Variants in WDFY3 observed in about 807,000 individuals in gnomAD.
WDFY3 encodes the protein WD repeat and FYVE domain containing 3, also known as WD repeat and FYVE domain-containing protein 3.
Under a neutral mutation model 409.6 loss-of-function variants are expected in WDFY3, and 66 were observed. The ratio of observed to expected loss-of-function variants is 0.16; its 90% CI spans 0.13 to 0.20. WDFY3 has a LOEUF of 0.20. WDFY3 is among the 10% of genes least tolerant of loss of function. The pLI is 1.00. For synonymous variants in WDFY3, 1,521 were observed against 1,537.1 expected (o/e 0.99, Z 0.25); for missense variants, 3,031 against 4,298.1 (o/e 0.71, Z 8.24).
chr4:84,724,920 T>C (rs1485537173), intron 45 of WDFY3, among the ~76,000 whole-genome samples: 1 of 152,196 alleles, frequency 6.6e-6, no homozygotes, highest in Non-Finnish European at 1.5e-5. Context: ...AAGAGAATGA[T>C]CACTGTTGAA....
intron 38 of WDFY3, among the ~76,000 whole-genome samples, chr4:84,740,789 T>C (rs981283942): frequency 3.9e-5 from 6 of 152,120 alleles, no homozygotes; most frequent in African/African-American, 1.4e-4. Flanking sequence ...AAAATTAAGA[T>C]GTTACTAAAA....
intron 38 of WDFY3, among the ~76,000 whole-genome samples, chr4:84,741,272 C>T (rs1238135734): frequency 6.6e-6 from 1 of 150,686 alleles, no homozygotes; most frequent in Non-Finnish European, 1.5e-5. Context: ...TGGCACCAGG[C>T]AATTGGTAAT....
At position 84,810,303 on chromosome 4, in the gene WDFY3, T is replaced by G. The variant is rs373849226; in HGVS notation, c.1929A>C (p.Thr643=). ...SVLRESHRSR[T]VFRKVGGFVY... ...CAAATCCTCCAACTTTCCTAAAAAC[T>G]GTTCTTGAACGATGGCTTTCTCGAA... Residue 643 remains threonine, a synonymous_variant, in exon 14 of 68, where the codon ACA becomes ACC. Transcript: ENST00000295888. The G allele has an allele frequency of 3.7e-6, 6 of 1,612,834 alleles. No homozygotes were observed. In the Admixed American group the frequency reaches 8.4e-5, roughly 22 times the overall value.
In WDFY3 at chr4:84,827,001, A is replaced by G; in HGVS notation, c.957-20T>C. 6.3e-7 allele frequency: 1 copy of G among 1,592,630 alleles called. No homozygotes were observed. The highest frequency in any genetic ancestry group is 1.4e-5 in the African/African-American group (1 of 73,450). On this transcript the variant is annotated intron_variant, in intron 9 of 67. Transcript: ENST00000295888. Reference sequence around the variant, plus strand: ...TCCAATCTAGAAAAGTATGATTTAGAAAGTATTTTTTTTCTCTTTGGTTGT... The same window carrying G: ...TCCAATCTAGAAAAGTATGATTTAGGAAGTATTTTTTTTCTCTTTGGTTGT...
chr4:84,901,488 G>C (rs1474198296), intron 2 of WDFY3, among the ~76,000 whole-genome samples: 1 of 152,120 alleles, frequency 6.6e-6, no homozygotes, highest in Non-Finnish European at 1.5e-5. Context: ...GGAGTTTCTT[G>C]ATCTTGGACT....
In WDFY3 at chr4:84,730,874, C is replaced by A. The variant is rs139311622; in HGVS notation, c.7221+2508G>T. Among the ~76,000 whole-genome samples the A allele has an allele frequency of 3.4e-3, 520 of 151,978 alleles. 3 individuals carry two copies. The highest frequency in any genetic ancestry group is 0.012 in the African/African-American group (490 of 41,456). On this transcript the variant is annotated intron_variant, in intron 44 of 67. Coordinates refer to ENST00000295888, the MANE Select transcript of WDFY3 (RefSeq NM_014991.6). ...AGAGTGCAATGGCGTGATCTCGGCTCACCGCAACCTCCACCTCTCTGGTTC... is the reference window on the plus strand; with the variant it reads ...AGAGTGCAATGGCGTGATCTCGGCTAACCGCAACCTCCACCTCTCTGGTTC...
intron 3 of WDFY3, among the ~76,000 whole-genome samples, chr4:84,875,690 G>A (rs1762690656): frequency 6.6e-6 from 1 of 152,088 alleles, no homozygotes; most frequent in African/African-American, 2.4e-5. Flanking sequence ...TATTCTATAA[G>A]CATTTTTATA....
At chr4:84,712,599 T>C (rs1455390864) in intron 51 of WDFY3, among the ~76,000 whole-genome samples, 6 of 151,442 alleles carry the variant, frequency 4.0e-5, no homozygotes, top group Non-Finnish European at 8.8e-5. Flanking sequence ...CAGGCACCTA[T>C]TATCCCAGCT....
In WDFY3 at chr4:84,713,226, C is replaced by G. The variant is rs1273722589; in HGVS notation, c.7975G>C (p.Val2659Leu). 1 of 1,614,038 alleles carries G rather than the reference C, an allele frequency of 6.2e-7. No homozygotes were observed. Among genetic ancestry groups the G allele is most frequent in the Non-Finnish European group, 8.5e-7 (1 of 1,180,024 alleles). ...NKVYQRFLAV[V>L]PSLTDSSESV... ...TCTGAACTGTCCGTTAGAGATGGCA[C>G]TACAGCCAAAAACCTGAAAAATTTA... The change falls in exon 51 of 68, where the codon GTG (valine) becomes CTG (leucine). Residue 2659 changes from valine to leucine, a missense_variant. Physicochemically the swap from Val to Leu is conservative, Grantham distance 32 (BLOSUM62 1). Coordinates refer to ENST00000295888, the MANE Select transcript of WDFY3 (RefSeq NM_014991.6).
chr4:84,851,464 T>C (rs1337976043), intron 4 of WDFY3, among the ~76,000 whole-genome samples: 1 of 152,058 alleles, frequency 6.6e-6, no homozygotes, highest in African/African-American at 2.4e-5. Context: ...GCCCTCACAA[T>C]CAAATTCTAG....
intron 2 of WDFY3, among the ~76,000 whole-genome samples, chr4:84,923,179 G>A (rs971701350): frequency 3.3e-5 from 5 of 152,164 alleles, no homozygotes; most frequent in Non-Finnish European, 7.3e-5. Context: ...GCAGGTACAA[G>A]AAGATCATTC....
Position 84,821,442 on chromosome 4 carries a change from G to A in WDFY3, c.1233C>T (p.Tyr411=). ...TGAAGTAATTGGCATTGTCAGCCATGTAAATATTTGTGATAGCATCAAGGA... is the reference window on the plus strand; with the variant it reads ...TGAAGTAATTGGCATTGTCAGCCATATAAATATTTGTGATAGCATCAAGGA... The part of the protein sequence containing the change: ...QIILDAITNI[Y]MADNANYFIL... The change falls in exon 11 of 68, where the codon TAC becomes TAT. Residue 411 remains tyrosine (Y), a synonymous_variant. Coordinates refer to ENST00000295888, the MANE Select transcript of WDFY3 (RefSeq NM_014991.6). 3.1e-6 allele frequency: 5 copies of A among 1,613,918 alleles called. No homozygotes were observed. Among genetic ancestry groups the A allele is most frequent in the Non-Finnish European group, 4.2e-6 (5 of 1,179,852 alleles).
At position 84,789,659 on chromosome 4, in the gene WDFY3, ACACACACACACC is replaced by A. The variant is rs1220858218; in HGVS notation, c.3669+55_3669+66del. ...CACACACACACACACACACACACAC[ACACACACACACC>A]CCCCAAACTACTACCTTATAAAACA... On this transcript the variant is annotated intron_variant, in intron 22 of 67. Coordinates refer to ENST00000295888, the MANE Select transcript of WDFY3 (RefSeq NM_014991.6). 337 of 1,500,392 alleles carry A rather than the reference ACACACACACACC, an allele frequency of 2.2e-4. 5 individuals are homozygous for A. In the East Asian group the frequency reaches 5.2e-3, roughly 23 times the overall value. The allele number at this position is 1,500,392 out of a possible 1,614,324, so 92.9% of individuals were successfully genotyped here. A position where few individuals can be genotyped will look rare whatever the true frequency, so the allele number is the denominator to read the frequency against.
chr4:84,860,423 C>A lies in WDFY3; in HGVS notation c.169G>T (p.Val57Leu). 1.2e-6 allele frequency: 2 copies of A among 1,612,838 alleles called. No individual in the cohort carries two copies. The highest frequency in any genetic ancestry group is 1.7e-6 in the Non-Finnish European group (2 of 1,179,042). The change falls in exon 4 of 68, where the codon GTG becomes TTG. Residue 57 changes from valine to leucine, a missense_variant. By Grantham distance (32) the Val-to-Leu change is conservative (BLOSUM62 1). This residue lies in a region of WDFY3 where 1,322 missense variants were observed against 1,697.9 expected (regional missense o/e 0.78). Transcript: ENST00000295888. ...QEEKLYMMLP[V>L]FNRVFGNAPP... is the part of the protein sequence containing the mutation. ...CAACCTGGACTTACCCTGTTAAACA[C>A]TGGCAGCATCATATACAGTTTCTCT...
rs1430648162 is a variant in WDFY3 at position 84,826,923 on chromosome 4, T to A, written c.1015A>T (p.Ile339Leu). The change falls in exon 10 of 68, where the codon ATA becomes TTA. Residue 339 changes from isoleucine (I) to leucine (L), a missense_variant. This residue lies in a region of WDFY3 where 1,322 missense variants were observed against 1,697.9 expected (regional missense o/e 0.78). Transcript: ENST00000295888. ...KDALKDLVNL[I>L]TSLTTYGVSE... ...ACACCATATGTTGTTAGGGAAGTTA[T>A]CAGATTAACCAGATCTTTCAAGGCA... 6.2e-6 allele frequency: 10 copies of A among 1,611,182 alleles called. No homozygotes were observed. Among genetic ancestry groups the A allele is most frequent in the Non-Finnish European group, 5.1e-6 (6 of 1,179,226 alleles).
At chr4:84,850,949 T>TTTTTTTTTTTTTTTA (rs1758903811) in intron 4 of WDFY3, among the ~76,000 whole-genome samples, 1 of 80,846 alleles carries the variant, frequency 1.2e-5, no homozygotes, top group African/African-American at 3.8e-5. Flanking sequence ...TTTTTTTTTT[T>TTTTTTTTTTTTTTTA]TTTTTTTTTT....
At chr4:84,893,793 T>C (rs1765240100) in intron 3 of WDFY3, among the ~76,000 whole-genome samples, 1 of 152,080 alleles carries the variant, frequency 6.6e-6, no homozygotes, top group Non-Finnish European at 1.5e-5. Flanking sequence ...AAAACCAGCC[T>C]GGCCAAGATG....
At chr4:84,936,593 G>C (rs943095306) in intron 1 of WDFY3, among the ~76,000 whole-genome samples, 6 of 152,004 alleles carry the variant, frequency 3.9e-5, no homozygotes, top group African/African-American at 1.5e-4. Flanking sequence ...AGATTTTGTG[G>C]AGTCTCTTTC....
chr4:84,947,442 G>A (rs935926093), intron 1 of WDFY3, among the ~76,000 whole-genome samples: 1 of 150,832 alleles, frequency 6.6e-6, no homozygotes, highest in Admixed American at 6.6e-5. Context: ...AACTCGGGAG[G>A]TGGAGGTTGC....
Sources: gnomAD v4.1 joint callset for allele counts (sites outside exome capture counted in the v4.1 genomes callset) on GRCh38, gnomAD v4.1.1 for gene constraint, gnomAD v4.1.1 regional missense constraint, MANE v1.5 for transcripts, NCBI Gene and HGNC (gene_info 2026-07-23, HGNC 2026-07-21) for gene names.